The following TMEM163 variants were observed in gnomAD, a reference collection of about 807,000 sequenced individuals.
TMEM163 encodes the protein transmembrane protein 163.
TMEM163 carries 17 observed loss-of-function variants against 29.3 expected under a neutral mutation model. That is an observed-to-expected ratio of 0.58 (90% confidence interval 0.40 to 0.87). TMEM163 has a LOEUF of 0.87. Ranked by LOEUF, TMEM163 falls within the 40% of genes least tolerant of loss-of-function variation. TMEM163 has a pLI of 0.00. For synonymous variants in TMEM163, 157 were observed against 160.6 expected, an observed-to-expected ratio of 0.98 and a Z score of 0.17; for missense variants, 303 against 381.5, an observed-to-expected ratio of 0.79 and a Z score of 1.71.
intron 2 of TMEM163, among the ~76,000 whole-genome samples, chr2:134,632,037 A>C (rs1574294959): frequency 6.6e-6 from 1 of 152,200 alleles, no homozygotes; most frequent in East Asian, 1.9e-4. Flanking sequence ...AGTCATATGG[A>C]GGCTCAAAAG....
chr2:134,695,854 C>T (rs138129895), intron 2 of TMEM163, among the ~76,000 whole-genome samples: 2,414 of 152,088 alleles, frequency 0.016, 67 homozygotes, highest in African/African-American at 0.055. Flanking sequence ...AGTTCCAGAC[C>T]AGCCCGGCCA....
intron 2 of TMEM163, among the ~76,000 whole-genome samples, chr2:134,700,933 A>AATAC (rs1241395014): frequency 6.6e-4 from 55 of 82,726 alleles, no homozygotes; most frequent in African/African-American, 1.7e-3. Context: ...TAAATAAATA[A>AATAC]ATAAATAAAT....
chr2:134,608,950 T>A (rs1682426413), intron 2 of TMEM163, among the ~76,000 whole-genome samples: 1 of 70,650 alleles, frequency 1.4e-5, no homozygotes, highest in Non-Finnish European at 2.7e-5. Flanking sequence ...CCCCGAGAAC[T>A]GTACTGGTGA....
At chr2:134,707,941 T>G (rs1269258269) in intron 2 of TMEM163, among the ~76,000 whole-genome samples, 4 of 142,194 alleles carry the variant, frequency 2.8e-5, no homozygotes, top group Non-Finnish European at 4.5e-5. Flanking sequence ...CAGGCTGGAG[T>G]GCAATGGTGC....
intron 2 of TMEM163, among the ~76,000 whole-genome samples, chr2:134,605,944 T>A (rs1682345587): frequency 6.6e-6 from 1 of 152,124 alleles, no homozygotes; most frequent in Non-Finnish European, 1.5e-5. Context: ...CTGGGACACA[T>A]ACAAAATTGA....
intron 4 of TMEM163, among the ~76,000 whole-genome samples, chr2:134,534,910 A>G (rs1330540483): frequency 6.6e-6 from 1 of 152,206 alleles, no homozygotes; most frequent in Non-Finnish European, 1.5e-5. Flanking sequence ...ATTGGTCTTG[A>G]TGCAGCTAAC....
intron 5 of TMEM163, among the ~76,000 whole-genome samples, chr2:134,495,814 A>G (rs1378565619): frequency 1.3e-5 from 2 of 152,204 alleles, no homozygotes; most frequent in African/African-American, 4.8e-5. Context: ...TAGTGTCACA[A>G]GAAAGTCCCC....
At chr2:134,622,959 T>A (rs1269917914) in intron 2 of TMEM163, among the ~76,000 whole-genome samples, 1 of 152,028 alleles carries the variant, frequency 6.6e-6, no homozygotes, top group African/African-American at 2.4e-5. Context: ...GAGGTGGGAT[T>A]TCAAAAATCT....
At chr2:134,551,722 C>T (rs1271662684) in intron 3 of TMEM163, among the ~76,000 whole-genome samples, 1 of 152,176 alleles carries the variant, frequency 6.6e-6, no homozygotes. Flanking sequence ...TCTGCCTACA[C>T]CAGAAAATGC....
chr2:134,699,406 A>T (rs1179762933), intron 2 of TMEM163, among the ~76,000 whole-genome samples: 1 of 152,114 alleles, frequency 6.6e-6, no homozygotes, highest in Non-Finnish European at 1.5e-5. Flanking sequence ...TGGGAGGCTG[A>T]GGCAGGAGAA....
At chr2:134,509,069 T>C (rs1368597384) in intron 4 of TMEM163, among the ~76,000 whole-genome samples, 2 of 152,156 alleles carry the variant, frequency 1.3e-5, no homozygotes, top group Non-Finnish European at 2.9e-5. Context: ...GCATCTACTT[T>C]AGGGACAAAA....
intron 5 of TMEM163, among the ~76,000 whole-genome samples, chr2:134,487,890 T>C (rs1679346940): frequency 6.6e-6 from 1 of 152,174 alleles, no homozygotes; most frequent in South Asian, 2.1e-4. Context: ...GTCTAACCTT[T>C]AATATCTTTT....
intron 2 of TMEM163, among the ~76,000 whole-genome samples, chr2:134,569,203 A>G (rs1038794248): frequency 6.6e-6 from 1 of 152,226 alleles, no homozygotes; most frequent in African/African-American, 2.4e-5. Flanking sequence ...TTCTTCCCTG[A>G]CAGCATCAGC....
At chr2:134,472,293 T>G (rs934901252) in intron 5 of TMEM163, among the ~76,000 whole-genome samples, 1 of 152,044 alleles carries the variant, frequency 6.6e-6, no homozygotes, top group East Asian at 1.9e-4. Context: ...AAAGGGCTCA[T>G]GGAAATCTAG....
chr2:134,533,265 T>C (rs898283214), intron 4 of TMEM163, among the ~76,000 whole-genome samples: 15 of 152,252 alleles, frequency 9.9e-5, no homozygotes, highest in Admixed American at 5.9e-4. Context: ...AGTTTTTTAA[T>C]GTCCTTGGTT....
At chr2:134,597,045 C>G (rs1444703858) in intron 2 of TMEM163, among the ~76,000 whole-genome samples, 1 of 152,206 alleles carries the variant, frequency 6.6e-6, no homozygotes, top group Non-Finnish European at 1.5e-5. Flanking sequence ...GATATACAAT[C>G]ATGTCATCTG....
At chr2:134,534,770 AAAATAAAAT>A (rs1680494626) in intron 4 of TMEM163, among the ~76,000 whole-genome samples, 1 of 152,152 alleles carries the variant, frequency 6.6e-6, no homozygotes, top group East Asian at 1.9e-4. Context: ...AAAATAAAAT[AAAATAAAAT>A]AAAAATGAAT....
Position 134,457,913 on chromosome 2 carries a change from G to A in TMEM163, c.809+119C>T, listed in dbSNP as rs144718101. ...GTCACCTGACACTGGTCAGGCTCAGGAGGGGCACAGGTACAAAATATGACC... is the reference window on the plus strand; with the variant it reads ...GTCACCTGACACTGGTCAGGCTCAGAAGGGGCACAGGTACAAAATATGACC... On this transcript the variant is annotated intron_variant, in intron 7 of 7. Coordinates refer to ENST00000281924, the MANE Select transcript of TMEM163 (RefSeq NM_030923.5). The A allele has an allele frequency of 6.8e-4, 1,029 of 1,505,536 alleles. 2 individuals are homozygous for A. Among genetic ancestry groups the A allele is most frequent in the Middle Eastern group, 6.7e-3 (37 of 5,516 alleles). 93.3% of individuals were successfully genotyped at this position (1,505,536 alleles called of 1,614,324 possible).
chr2:134,613,951 G>C (rs547979672), intron 2 of TMEM163, among the ~76,000 whole-genome samples: 125 of 152,088 alleles, frequency 8.2e-4, no homozygotes, highest in Non-Finnish European at 1.4e-3. Context: ...ATCCCAGTAA[G>C]GTTTTTTTTG....
Sources: allele counts gnomAD v4.1 joint callset (sites outside exome capture counted in the v4.1 genomes callset), GRCh38; gene constraint gnomAD v4.1.1; transcripts MANE v1.5; gene names NCBI Gene and HGNC (gene_info 2026-07-23, HGNC 2026-07-21).